Variants in ZDHHC7 observed in about 807,000 individuals in gnomAD.
The protein encoded by ZDHHC7 is zDHHC palmitoyltransferase 7, also known as palmitoyltransferase ZDHHC7.
In ZDHHC7, 12 loss-of-function variants were observed where a neutral mutation model predicts 34.1. The ratio of observed to expected loss-of-function variants is 0.35; its 90% CI spans 0.23 to 0.57. The LOEUF is 0.57. ZDHHC7 is among the 20% of genes least tolerant of loss of function. The pLI, the probability that ZDHHC7 is intolerant of heterozygous loss-of-function variation, is 0.84. For missense variants in ZDHHC7, 388 were observed against 402.7 expected, an observed-to-expected ratio of 0.96 and a Z score of 0.31; for synonymous variants, 185 against 155.4, an observed-to-expected ratio of 1.19 and a Z score of -1.42.
rs769579070 is a variant in ZDHHC7 at position 84,976,326 on chromosome 16, G to A, written c.*17C>T. ...ACTGGAAGTCTGTGAGCAAGTTTCA[G>A]TCTGATGAGCCACGCCTCACACTGA... On this transcript the variant is annotated 3_prime_UTR_variant, in exon 8 of 8. Coordinates refer to ENST00000313732, the MANE Select transcript of ZDHHC7 (RefSeq NM_017740.3). The A allele has an allele frequency of 6.2e-7, 1 of 1,611,520 alleles. No homozygotes were observed. The highest frequency in any genetic ancestry group is 1.1e-5 in the South Asian group (1 of 90,848).
Position 84,990,552 on chromosome 16 carries a change from A to T in ZDHHC7, c.67T>A (p.Tyr23Asn), listed in dbSNP as rs1231455148. The T allele has an allele frequency of 1.2e-6, 2 of 1,614,136 alleles. No individual in the cohort carries two copies. ...GAGGAGGAGGACGATGAAGAGTCATAGTTGTCATTTTCAGCCAGGAGAGGA... is the reference window on the plus strand; with the variant it reads ...GAGGAGGAGGACGATGAAGAGTCATTGTTGTCATTTTCAGCCAGGAGAGGA... The part of the protein sequence containing the change: ...HHPLLAENDN[Y>N]DSSSSSSSEA... Residue 23 changes from tyrosine to asparagine, a missense_variant, in exon 3 of 8, where the codon TAT (tyrosine) becomes AAT (asparagine). Physicochemically the swap from Tyr to Asn is moderately radical, Grantham distance 143. Transcript: ENST00000313732.
At chr16:84,982,057 C>T (rs574582987) in intron 3 of ZDHHC7, 63 bp from the exon 4 acceptor site, 16 of 1,598,920 alleles carry the variant, frequency 1.0e-5, no homozygotes, top group African/African-American at 6.7e-5. Context: ...TCAGGCCGGG[C>T]GCAGTGGGTC....
In ZDHHC7 at chr16:84,979,071, T is replaced by C. The variant is rs1419066310; in HGVS notation, c.537+118A>G. The C allele has an allele frequency of 3.1e-6, 3 of 970,200 alleles. No individual in the cohort carries two copies. The African/African-American group carries it at 5.0e-5, about 16-fold the overall frequency. The allele number at this position is 970,200 out of a possible 1,614,324, so 60.1% of individuals were successfully genotyped here. ...CAGCACAGTATTATAATTTGAATCCTGGAGAAAAGGCTGGAGAGAAACTGG... is the reference window on the plus strand; with the variant it reads ...CAGCACAGTATTATAATTTGAATCCCGGAGAAAAGGCTGGAGAGAAACTGG... On this transcript the variant is annotated intron_variant, in intron 5 of 7. Transcript: ENST00000313732.
At chr16:85,019,081 G>A in the ZDHHC7 span, among the ~76,000 whole-genome samples, 3 of 152,174 alleles carry the variant, frequency 2.0e-5, no homozygotes, top group Non-Finnish European at 2.9e-5. Flanking sequence ...AGTGCCAAGC[G>A]TGACCAAGGT....
At chr16:85,026,493 C>T in the ZDHHC7 span, among the ~76,000 whole-genome samples, 1 of 152,014 alleles carries the variant, frequency 6.6e-6, no homozygotes. Context: ...AGCTATGGTG[C>T]TGAAGGCTCC....
chr16:84,976,582 C>T, intron 7 of ZDHHC7, 63 bp from the exon 8 acceptor site: 1 of 1,575,834 alleles, frequency 6.3e-7, no homozygotes, highest in Non-Finnish European at 8.6e-7. Context: ...CCCACCAAGC[C>T]TCAGAATCAC....
chr16:84,993,027 A>G (rs1036126572), intron 2 of ZDHHC7, among the ~76,000 whole-genome samples: 5 of 152,222 alleles, frequency 3.3e-5, no homozygotes, highest in Non-Finnish European at 5.9e-5. Context: ...CAATCAGATA[A>G]AAGCAGCTTT....
chr16:84,978,743 T>C (rs1007524281), intron 5 of ZDHHC7, among the ~76,000 whole-genome samples: 2 of 151,666 alleles, frequency 1.3e-5, no homozygotes, highest in African/African-American at 2.4e-5. Flanking sequence ...ATGCCTGTAA[T>C]CTCAGCTACT....
intron 4 of ZDHHC7, among the ~76,000 whole-genome samples, chr16:84,981,255 A>G (rs527377089): frequency 3.3e-5 from 5 of 152,360 alleles, no homozygotes; most frequent in African/African-American, 1.2e-4. Flanking sequence ...AGGGCCAGGA[A>G]GGCTACTTGA....
Position 84,976,358 on chromosome 16 carries a change from C to T in ZDHHC7, c.912G>A (p.Pro304=), listed in dbSNP as rs753000315. Residue 304 remains proline, a synonymous_variant, in exon 8 of 8, where the codon CCG becomes CCA. Transcript: ENST00000313732. ...GAGCCACGCCTCACACTGAGAACTC[C>T]GGGCCACCTTTTCTGGGTCTCGTGG... ...RLPTRPRKGG[P]EFSV is the part of the protein sequence containing the mutation. 9.9e-6 allele frequency: 16 copies of T among 1,613,886 alleles called. No homozygotes were observed. The highest frequency in any genetic ancestry group is 5.0e-5 in the Admixed American group (3 of 59,934).
At chr16:85,019,864 G>A in the ZDHHC7 span, among the ~76,000 whole-genome samples, 3 of 152,198 alleles carry the variant, frequency 2.0e-5, no homozygotes, top group African/African-American at 7.2e-5. Context: ...ACACAGTGAA[G>A]AGGTGGAGAG....
chr16:85,020,667 A>G, the ZDHHC7 span, among the ~76,000 whole-genome samples: 75 of 152,236 alleles, frequency 4.9e-4, no homozygotes, highest in African/African-American at 1.8e-3. Flanking sequence ...CAGTGTGTGG[A>G]GGGCAAGGGG....
chr16:85,023,713 G>A, the ZDHHC7 span, among the ~76,000 whole-genome samples: 2 of 152,274 alleles, frequency 1.3e-5, no homozygotes, highest in African/African-American at 2.4e-5. Context: ...TGACCTCCCA[G>A]GCTCAAGCAA....
intron 5 of ZDHHC7, 27 bp from the exon 6 acceptor site, chr16:84,978,032 C>G: frequency 1.3e-6 from 2 of 1,563,004 alleles, no homozygotes; most frequent in South Asian, 2.3e-5. Context: ...ATTGGTTAGT[C>G]ACTTTTATTT....
At chr16:85,007,035 T>TAAGACGCTGAACCAAAATA (rs1555516213) in intron 1 of ZDHHC7, among the ~76,000 whole-genome samples, 3 of 151,498 alleles carry the variant, frequency 2.0e-5, no homozygotes, top group Non-Finnish European at 4.4e-5. Context: ...TTCAAAACCG[T>TAAGACGCTGAACCAAAATA]AAGATGCTGA....
chr16:84,990,685 C>G (rs569242726), intron 2 of ZDHHC7, 50 bp from the exon 3 acceptor site: 4 of 1,496,742 alleles, frequency 2.7e-6, no homozygotes, highest in African/African-American at 2.8e-5. Context: ...AGCTCACAAG[C>G]TACCTTAAAT....
chr16:85,023,622 CTTTG>C, the ZDHHC7 span, among the ~76,000 whole-genome samples: 9 of 151,786 alleles, frequency 5.9e-5, no homozygotes, highest in African/African-American at 1.9e-4. Context: ...CAAAGTATTT[CTTTG>C]TTTGTTTTTT....
intron 1 of ZDHHC7, among the ~76,000 whole-genome samples, chr16:84,997,102 C>G (rs1272670823): frequency 6.6e-6 from 1 of 151,474 alleles, no homozygotes; most frequent in Non-Finnish European, 1.5e-5. Context: ...GAGTCCAGAA[C>G]ACGCACAATG....
chr16:85,022,340 G>A, the ZDHHC7 span, among the ~76,000 whole-genome samples: 4 of 152,062 alleles, frequency 2.6e-5, no homozygotes, highest in East Asian at 7.7e-4. Context: ...GGCCAACATG[G>A]TGAAACCCTA....
Sources: gnomAD v4.1 joint callset for allele counts (sites outside exome capture counted in the v4.1 genomes callset) on GRCh38, gnomAD v4.1.1 for gene constraint, MANE v1.5 for transcripts, NCBI Gene and HGNC (gene_info 2026-07-23, HGNC 2026-07-21) for gene names.